Variants in RIPK1 observed in about 807,000 individuals in gnomAD.
RIPK1 encodes receptor-interacting serine/threonine-protein kinase 1.
A neutral mutation model predicts 62.4 loss-of-function variants in RIPK1; 27 were observed. The ratio of observed to expected loss-of-function variants is 0.43; its 90% CI spans 0.32 to 0.60. The LOEUF (loss-of-function observed/expected upper bound fraction) is 0.60, where lower values mean the gene tolerates loss of function less well. RIPK1 is among the 20% of genes least tolerant of loss of function. The pLI, the probability that RIPK1 is intolerant of heterozygous loss-of-function variation, is 0.07. For missense variants in RIPK1, 735 were observed against 831.0 expected, an observed-to-expected ratio of 0.88 and a Z score of 1.42; for synonymous variants, 287 against 303.2, an observed-to-expected ratio of 0.95 and a Z score of 0.55.
At chr6:3,081,247 C>T in intron 4 of RIPK1, 131 bp downstream of exon 4, 1 of 1,000,502 alleles carries the variant, frequency 1.0e-6, no homozygotes, top group Admixed American at 2.6e-5. Flanking sequence ...GATGATGGTG[C>T]CGAAAGGCTC....
In RIPK1 at chr6:3,078,781, C is replaced by A. The variant is rs560024235; in HGVS notation, c.321+846C>A. On this transcript the variant is annotated intron_variant, in intron 3 of 10. Coordinates refer to ENST00000259808, the MANE Select transcript of RIPK1 (RefSeq NM_001354930.2). ...TTACCAAAGTCAAATGATTTGAAAA[C>A]ATTTTTAAAAGCTTATGTGCCTGTT... Among the ~76,000 whole-genome samples the A allele has an allele frequency of 1.3e-5, 2 of 152,158 alleles. 1 individual carries two copies. Among genetic ancestry groups the A allele is most frequent in the East Asian group, 3.8e-4 (2 of 5,198 alleles).
Position 3,085,262 on chromosome 6 carries a change from C to T in RIPK1, c.692C>T (p.Ala231Val). Residue 231 changes from alanine (A) to valine (V), a missense_variant, in exon 6 of 11, where the codon GCT becomes GTT. By Grantham distance (64) the Ala-to-Val change is moderately conservative (BLOSUM62 0). Transcript: ENST00000259808. ...IFANKEPYEN[A>V]ICEQQLIMCI... Reference sequence around the variant, plus strand: ...AAAGAAAGTCTTTGCTTTGTAGATGCTATCTGTGAGCAGCAGTTGATAATG... The same window carrying T: ...AAAGAAAGTCTTTGCTTTGTAGATGTTATCTGTGAGCAGCAGTTGATAATG... The T allele has an allele frequency of 6.2e-7, 1 of 1,614,134 alleles. No individual in the cohort carries two copies. The highest frequency in any genetic ancestry group is 8.5e-7 in the Non-Finnish European group (1 of 1,180,016).
chr6:3,066,115 C>A (rs375993866), upstream of RIPK1, among the ~76,000 whole-genome samples: 7 of 152,326 alleles, frequency 4.6e-5, no homozygotes, highest in African/African-American at 1.7e-4. Context: ...CCTCCGCCTT[C>A]TGGGTTCAAG....
At chr6:3,066,362 T>G (rs1421248763), upstream of RIPK1, among the ~76,000 whole-genome samples, 9 of 152,010 alleles carry the variant, frequency 5.9e-5, no homozygotes, top group African/African-American at 2.2e-4. Flanking sequence ...CACAACCGAG[T>G]CTTCAGTGCC....
At chr6:3,097,114 G>T (rs1367396720) in intron 7 of RIPK1, among the ~76,000 whole-genome samples, 4 of 151,952 alleles carry the variant, frequency 2.6e-5, no homozygotes, top group Admixed American at 6.6e-5. Context: ...CAAATGGTCC[G>T]CCTGCCTTGG....
intron 6 of RIPK1, among the ~76,000 whole-genome samples, chr6:3,086,136 G>A (rs1045651499): frequency 1.3e-4 from 20 of 152,138 alleles, no homozygotes; most frequent in Non-Finnish European, 1.5e-5. Context: ...GAAAGGTGCC[G>A]GGATGTTTGC....
In RIPK1 at chr6:3,113,325, G is replaced by A. The variant is rs755615425; in HGVS notation, c.2002G>A (p.Val668Ile). ...CGACCTTCTGAGCAGCTTGATTTACGTCAGCCAGAACTAACCCTGGATGGG... is the reference window on the plus strand; with the variant it reads ...CGACCTTCTGAGCAGCTTGATTTACATCAGCCAGAACTAACCCTGGATGGG... ...RIDLLSSLIYVSQN is the reference protein window; with the variant it reads ...RIDLLSSLIYISQN The change falls in exon 11 of 11, where the codon GTC becomes ATC. Residue 668 changes from valine to isoleucine, a missense_variant. This residue lies in a region of RIPK1 where 64 missense variants were observed against 104.8 expected (regional missense o/e 0.61). Transcript: ENST00000259808. This position sits in a 1 kb window ranked among gnomAD's most constrained non-coding sequence, Gnocchi z 5.0. 1.4e-5 allele frequency: 23 copies of A among 1,613,664 alleles called. No individual in the cohort carries two copies. Among genetic ancestry groups the A allele is most frequent in the Middle Eastern group, 1.7e-4 (1 of 5,994 alleles).
chr6:3,085,553 A>G (rs535151444), intron 6 of RIPK1, 145 bp downstream of exon 6: 9 of 851,030 alleles, frequency 1.1e-5, no homozygotes, highest in African/African-American at 1.0e-4. Context: ...GATTTCAAAC[A>G]TGTTATTCAG....
At chr6:3,068,385 A>C (rs916761966), upstream of RIPK1, 5 of 985,372 alleles carry the variant, frequency 5.1e-6, no homozygotes, top group Admixed American at 6.1e-5. Flanking sequence ...CCCGCAAGAG[A>C]GCTCCGGGAC....
chr6:3,068,551 G>A lies in RIPK1; in HGVS notation c.-171G>A. On this transcript the variant is annotated 5_prime_UTR_variant, in exon 1 of 11. Transcript: ENST00000259808. ...CGGACGGCGGGCCAGCTGCCGGAGC[G>A]CGGCGACTCCAGGGGACCCACAGCT... 1.0e-6 allele frequency: 1 copy of A among 985,282 alleles called. No individual in the cohort carries two copies. Among genetic ancestry groups the A allele is most frequent in the Non-Finnish European group, 1.2e-6 (1 of 829,880 alleles). The allele number at this position is 985,282 out of a possible 1,614,324, so 61.0% of individuals were successfully genotyped here.
At chr6:3,078,953 C>T (rs1165816706) in intron 3 of RIPK1, among the ~76,000 whole-genome samples, 1 of 151,664 alleles carries the variant, frequency 6.6e-6, no homozygotes, top group East Asian at 1.9e-4. Context: ...CACTGTGTTG[C>T]CCAGGCTGGA....
At position 3,081,066 on chromosome 6, in the gene RIPK1, A is replaced by G; in HGVS notation, c.409A>G (p.Lys137Glu). 1.2e-6 allele frequency: 2 copies of G among 1,614,198 alleles called. No individual in the cohort carries two copies. The highest frequency in any genetic ancestry group is 1.7e-6 in the Non-Finnish European group (2 of 1,180,004). The change falls in exon 4 of 11, where the codon AAG (lysine) becomes GAG (glutamate). Residue 137 changes from lysine to glutamate, a missense_variant. Lys to Glu is a moderately conservative substitution (Grantham distance 56). Around this residue, in one of 2 missense-constraint regions of RIPK1, gnomAD observed 671 missense variants for 726.2 expected, o/e 0.92. Transcript: ENST00000259808. ...CYLHGKGVIH[K>E]DLKPENILVD... ...CTTACATGGAAAAGGCGTGATACAC[A>G]AGGACCTGAAGCCTGAAAATATCCT...
At chr6:3,100,832 A>G (rs573067515) in intron 7 of RIPK1, among the ~76,000 whole-genome samples, 1 of 152,048 alleles carries the variant, frequency 6.6e-6, no homozygotes, top group African/African-American at 2.4e-5. Flanking sequence ...ACCTCAAGCG[A>G]TCTGCTCGCC....
chr6:3,100,994 T>G (rs965370614), intron 7 of RIPK1, among the ~76,000 whole-genome samples: 3 of 152,144 alleles, frequency 2.0e-5, no homozygotes, highest in Non-Finnish European at 4.4e-5. Flanking sequence ...ACAAAAATAC[T>G]TTTCATATTA....
In RIPK1 at chr6:3,113,753, CT is replaced by C. The variant is rs1458922142; in HGVS notation, c.*416del. Reference sequence around the variant, plus strand: ...TCTGAGGAAGGTCATGTTCTTTCAGCTTATGGCATTTCCTAGAGTTTTGTTG... The same window carrying C: ...TCTGAGGAAGGTCATGTTCTTTCAGCTATGGCATTTCCTAGAGTTTTGTTG... On this transcript the variant is annotated 3_prime_UTR_variant, in exon 11 of 11. Coordinates refer to ENST00000259808, the MANE Select transcript of RIPK1 (RefSeq NM_001354930.2). The surrounding 1 kb of genome is among the most constrained non-coding windows in gnomAD (Gnocchi z 5.0). 1 of 156,198 alleles carries C rather than the reference CT, an allele frequency of 6.4e-6. No homozygotes were observed. Among genetic ancestry groups the C allele is most frequent in the African/African-American group, 2.4e-5 (1 of 41,618 alleles). 9.7% of individuals were successfully genotyped at this position (156,198 alleles called of 1,614,324 possible). A position where few individuals can be genotyped will look rare whatever the true frequency, so the allele number is the denominator to read the frequency against.
Position 3,076,782 on chromosome 6 carries a change from G to A in RIPK1, c.-42G>A, listed in dbSNP as rs754329175. 1.2e-6 allele frequency: 2 copies of A among 1,605,570 alleles called. No homozygotes were observed. The highest frequency in any genetic ancestry group is 8.5e-7 in the Non-Finnish European group (1 of 1,176,844). ...TTTACAGGGTACAGCTCTGCCGGGG[G>A]GGGAAAAAGTGGTACCATTTTGGGC... On this transcript the variant is annotated 5_prime_UTR_variant, in exon 2 of 11. Coordinates refer to ENST00000259808, the MANE Select transcript of RIPK1 (RefSeq NM_001354930.2).
intron 1 of RIPK1, among the ~76,000 whole-genome samples, chr6:3,073,292 A>T (rs962250273): frequency 6.6e-6 from 1 of 151,610 alleles, no homozygotes; most frequent in East Asian, 1.9e-4. Flanking sequence ...ATGTATATTT[A>T]TACGTATACA....
At position 3,076,984 on chromosome 6, in the gene RIPK1, T is replaced by C. The variant is rs371940675; in HGVS notation, c.161T>C (p.Ile54Thr). The stretch of plus-strand genomic sequence containing the variant: ...ACAGTGTACAAGGGGCCCAACTGCA[T>C]TGAGTGAGTAGGGAGCAGGGGTGGG... Reference protein sequence around the residue: ...MKTVYKGPNCIEHNEALLEEA... With the variant: ...MKTVYKGPNCTEHNEALLEEA... The change falls in exon 2 of 11, where the codon ATT (isoleucine) becomes ACT (threonine). Residue 54 changes from isoleucine to threonine, a missense_variant. This residue lies in a region of RIPK1 where 671 missense variants were observed against 726.2 expected (regional missense o/e 0.92). Transcript: ENST00000259808. 3 of 1,603,562 alleles carry C rather than the reference T, an allele frequency of 1.9e-6. No homozygotes were observed. The highest frequency in any genetic ancestry group is 2.6e-6 in the Non-Finnish European group (3 of 1,174,742).
At chr6:3,064,760 T>C (rs1473878018), upstream of RIPK1, among the ~76,000 whole-genome samples, 1 of 152,124 alleles carries the variant, frequency 6.6e-6, no homozygotes, top group East Asian at 1.9e-4. Context: ...TGGGGCCTTC[T>C]AAGGGGGACC....
Sources: gnomAD v4.1 joint callset for allele counts (sites outside exome capture counted in the v4.1 genomes callset) on GRCh38, gnomAD v4.1.1 for gene constraint, gnomAD v4.1.1 regional missense constraint, Gnocchi (gnomAD v3.1) non-coding constraint, MANE v1.5 for transcripts, NCBI Gene and HGNC (gene_info 2026-07-23, HGNC 2026-07-21) for gene names.